Variants in SDK1 observed in about 807,000 individuals in gnomAD.
SDK1 encodes the protein protein sidekick-1.
SDK1 carries 157 observed loss-of-function variants against 245.5 expected under a neutral mutation model. The ratio of observed to expected loss-of-function variants is 0.64; its 90% CI spans 0.56 to 0.73. The LOEUF is 0.73. Among genes scored for constraint, SDK1 ranks in the 30% least tolerant of loss-of-function variants. The probability of loss-of-function intolerance (pLI) is 0.00; values close to 1 mark genes in which losing one functional copy is unlikely to be tolerated. For missense variants in SDK1, 3,583 were observed against 3,002.3 expected (o/e 1.19, Z -4.52); for synonymous variants, 1,647 against 1,278.5 (o/e 1.29, Z -6.15).
chr7:4,152,918 T>C (rs540291705), intron 30 of SDK1, among the ~76,000 whole-genome samples: 12 of 152,260 alleles, frequency 7.9e-5, no homozygotes, highest in Middle Eastern at 3.4e-3. Context: ...GTGTTGCCAG[T>C]GTCTGGTTGG....
intron 4 of SDK1, among the ~76,000 whole-genome samples, chr7:3,717,412 C>A (rs539212167): frequency 6.6e-6 from 1 of 151,988 alleles, no homozygotes; most frequent in Non-Finnish European, 1.5e-5. Flanking sequence ...ATGCAAAACA[C>A]CATAATTTGG....
intron 5 of SDK1, among the ~76,000 whole-genome samples, chr7:3,874,322 C>T (rs1041948184): frequency 6.6e-6 from 1 of 152,346 alleles, no homozygotes; most frequent in South Asian, 2.1e-4. Flanking sequence ...TGAGTCTTCT[C>T]TTTGCACTGG....
intron 1 of SDK1, among the ~76,000 whole-genome samples, chr7:3,508,775 A>G (rs374291076): frequency 6.6e-5 from 10 of 152,136 alleles, no homozygotes; most frequent in African/African-American, 2.4e-4. Context: ...CATTGCCCCA[A>G]ACCTGTTTAT....
At chr7:4,206,629 A>T (rs1784242202) in intron 36 of SDK1, among the ~76,000 whole-genome samples, 1 of 151,526 alleles carries the variant, frequency 6.6e-6, no homozygotes, top group Admixed American at 6.6e-5. Flanking sequence ...AGGAATCATT[A>T]TGTGGGGCTG....
chr7:4,073,856 C>T (rs1031953459), intron 20 of SDK1, among the ~76,000 whole-genome samples: 2 of 152,116 alleles, frequency 1.3e-5, no homozygotes, highest in Non-Finnish European at 2.9e-5. Context: ...GCCGGTCTTG[C>T]AAGATCGAGT....
intron 1 of SDK1, among the ~76,000 whole-genome samples, chr7:3,597,266 G>C (rs1465271672): frequency 8.7e-6 from 1 of 115,284 alleles, no homozygotes; most frequent in African/African-American, 3.6e-5. Context: ...AGTAAGACTT[G>C]GTCTCAAAAA....
chr7:3,882,065 C>A (rs1287969085), intron 5 of SDK1, among the ~76,000 whole-genome samples: 1 of 152,136 alleles, frequency 6.6e-6, no homozygotes, highest in African/African-American at 2.4e-5. Flanking sequence ...GCACGTCTTA[C>A]CTGGTGGCAG....
At position 3,532,042 on chromosome 7, in the gene SDK1, A is replaced by T. The variant is rs562149576; in HGVS notation, c.299-87038A>T. ...CTGAATCTTAAACTTCAAGGACTGA[A>T]ATCCTATAAATTTAACTATTGTTGA... On this transcript the variant is annotated intron_variant, in intron 1 of 44. Coordinates refer to ENST00000404826, the MANE Select transcript of SDK1 (RefSeq NM_152744.4). Among the ~76,000 whole-genome samples the T allele has an allele frequency of 6.6e-5, 10 of 152,338 alleles. No homozygotes were observed. The South Asian group carries it at 2.1e-3, about 32-fold the overall frequency.
At chr7:4,211,460 G>T (rs1784508800) in intron 38 of SDK1, among the ~76,000 whole-genome samples, 1 of 152,092 alleles carries the variant, frequency 6.6e-6, no homozygotes, top group African/African-American at 2.4e-5. Flanking sequence ...CTCAGATCAG[G>T]GGTGTGTATT....
chr7:3,556,697 C>T (rs538805603), intron 1 of SDK1, among the ~76,000 whole-genome samples: 17 of 151,986 alleles, frequency 1.1e-4, no homozygotes, highest in Non-Finnish European at 2.1e-4. Flanking sequence ...TGGTGCACAC[C>T]TGTAATCCCA....
chr7:3,704,973 G>A (rs1030817695), intron 4 of SDK1, among the ~76,000 whole-genome samples: 4 of 152,150 alleles, frequency 2.6e-5, no homozygotes, highest in African/African-American at 7.2e-5. Flanking sequence ...GTTTTTGCGT[G>A]CTTTGTCAAA....
intron 4 of SDK1, among the ~76,000 whole-genome samples, chr7:3,754,296 A>C (rs962713536): frequency 2.0e-5 from 3 of 152,208 alleles, no homozygotes; most frequent in Admixed American, 2.0e-4. Context: ...CCCTTCAGCA[A>C]ATTTTGCTTG....
chr7:3,377,823 G>T (rs1337608999), intron 1 of SDK1, among the ~76,000 whole-genome samples: 1 of 152,024 alleles, frequency 6.6e-6, no homozygotes, highest in Admixed American at 6.6e-5. Flanking sequence ...CTGTTGCCCA[G>T]GCTGGAGTGC....
chr7:4,023,263 G>T (rs1787074416), intron 17 of SDK1, among the ~76,000 whole-genome samples: 1 of 151,826 alleles, frequency 6.6e-6, no homozygotes, highest in Admixed American at 6.6e-5. Flanking sequence ...TATCTTGTCG[G>T]CCAATCCCAT....
intron 28 of SDK1, among the ~76,000 whole-genome samples, chr7:4,136,651 A>G (rs934288704): frequency 3.3e-5 from 5 of 152,228 alleles, no homozygotes; most frequent in African/African-American, 1.2e-4. Flanking sequence ...CTCACCCACC[A>G]GCTGACACCA....
At chr7:3,946,460 G>A (rs887731111) in intron 5 of SDK1, among the ~76,000 whole-genome samples, 3 of 152,028 alleles carry the variant, frequency 2.0e-5, no homozygotes, top group Non-Finnish European at 2.9e-5. Context: ...GACTACATGT[G>A]TGTGCCACCA....
At chr7:3,430,976 C>T (rs1779828673) in intron 1 of SDK1, among the ~76,000 whole-genome samples, 1 of 152,252 alleles carries the variant, frequency 6.6e-6, no homozygotes. Flanking sequence ...TCTTGGCTTA[C>T]TGCAACCTCC....
At position 3,822,010 on chromosome 7, in the gene SDK1, G is replaced by A. The variant is rs1020392062; in HGVS notation, c.847+427G>A. Among the ~76,000 whole-genome samples the A allele has an allele frequency of 2.6e-5, 4 of 152,146 alleles. No homozygotes were observed. The South Asian group carries it at 6.2e-4, about 24-fold the overall frequency. ...TACCTATTAAGTTGTACGAAAATTA[G>A]CAGTATTTAAGCATAATCAGTTGAT... is the stretch of plus-strand genomic sequence containing the variant. On this transcript the variant is annotated intron_variant, in intron 5 of 44. Transcript: ENST00000404826.
intron 5 of SDK1, among the ~76,000 whole-genome samples, chr7:3,898,899 A>C (rs1367099280): frequency 6.6e-6 from 1 of 152,178 alleles, no homozygotes; most frequent in Non-Finnish European, 1.5e-5. Flanking sequence ...TTAAGGAAAT[A>C]TTTTACCTTT....
Sources: allele counts gnomAD v4.1 joint callset (sites outside exome capture counted in the v4.1 genomes callset), GRCh38; gene constraint gnomAD v4.1.1; transcripts MANE v1.5; gene names NCBI Gene and HGNC (gene_info 2026-07-23, HGNC 2026-07-21).